Variants in PAK5 observed in about 807,000 individuals in gnomAD.
PAK5 encodes the protein serine/threonine-protein kinase PAK 5.
Under a neutral mutation model 65.9 loss-of-function variants are expected in PAK5, and 16 were observed. The ratio of observed to expected loss-of-function variants is 0.24; its 90% CI spans 0.16 to 0.37. The LOEUF (loss-of-function observed/expected upper bound fraction) is 0.37. PAK5 is among the 10% of genes least tolerant of loss of function. The pLI, the probability that PAK5 is intolerant of heterozygous loss-of-function variation, is 1.00. For missense variants in PAK5, 785 were observed against 903.9 expected (o/e 0.87, Z 1.69); for synonymous variants, 371 against 354.9 (o/e 1.05, Z -0.51).
At chr20:9,683,116 A>G (rs2047672186) in intron 2 of PAK5, among the ~76,000 whole-genome samples, 2 of 152,212 alleles carry the variant, frequency 1.3e-5, no homozygotes, top group Non-Finnish European at 2.9e-5. Flanking sequence ...CAAATTCCAC[A>G]AACCTTCTTA....
At chr20:9,629,670 T>C (rs998457963) in intron 3 of PAK5, among the ~76,000 whole-genome samples, 1 of 152,194 alleles carries the variant, frequency 6.6e-6, no homozygotes, top group Non-Finnish European at 1.5e-5. Flanking sequence ...ATTAGGGTCC[T>C]ACCCTTGTGA....
intron 1 of PAK5, among the ~76,000 whole-genome samples, chr20:9,726,296 AC>A (rs2048276744): frequency 6.6e-6 from 1 of 152,132 alleles, no homozygotes; most frequent in Non-Finnish European, 1.5e-5. Context: ...GCCATTGGCT[AC>A]TTTTCTTGAA....
intron 2 of PAK5, among the ~76,000 whole-genome samples, chr20:9,678,087 T>G (rs1293239196): frequency 6.6e-6 from 1 of 152,234 alleles, no homozygotes; most frequent in Non-Finnish European, 1.5e-5. Context: ...CCTCTCTACC[T>G]TCTCTATGTT....
chr20:9,614,553 A>G (rs1383767704), intron 3 of PAK5, among the ~76,000 whole-genome samples: 1 of 152,162 alleles, frequency 6.6e-6, no homozygotes, highest in Non-Finnish European at 1.5e-5. Context: ...AAAATCAGAT[A>G]AGGAAAAAAA....
chr20:9,694,896 T>C (rs2123444177), intron 2 of PAK5, among the ~76,000 whole-genome samples: 1 of 152,150 alleles, frequency 6.6e-6, no homozygotes, highest in Non-Finnish European at 1.5e-5. Flanking sequence ...GATGCATTAT[T>C]ATTGGGTATA....
chr20:9,627,361 C>T (rs193226484), intron 3 of PAK5, among the ~76,000 whole-genome samples: 46 of 152,296 alleles, frequency 3.0e-4, no homozygotes, highest in African/African-American at 1.1e-3. Flanking sequence ...ATGAGGTTTC[C>T]AGCCTCACAG....
At chr20:9,778,533 A>G (rs2048909354) in intron 1 of PAK5, among the ~76,000 whole-genome samples, 1 of 152,230 alleles carries the variant, frequency 6.6e-6, no homozygotes, top group Non-Finnish European at 1.5e-5. Flanking sequence ...TCACCACGAC[A>G]GGCCAATACT....
intron 4 of PAK5, among the ~76,000 whole-genome samples, chr20:9,574,494 C>G (rs970948512): frequency 1.3e-5 from 2 of 152,322 alleles, no homozygotes; most frequent in African/African-American, 2.4e-5. Context: ...AGGGACTCTT[C>G]GTCTTTGGGG....
chr20:9,781,452 C>T (rs2048939254), intron 1 of PAK5, among the ~76,000 whole-genome samples: 1 of 152,132 alleles, frequency 6.6e-6, no homozygotes, highest in Admixed American at 6.6e-5. Context: ...ATATCACACA[C>T]CATATTTGTG....
intron 3 of PAK5, among the ~76,000 whole-genome samples, chr20:9,641,785 C>A (rs576425368): frequency 6.6e-6 from 1 of 152,092 alleles, no homozygotes; most frequent in Non-Finnish European, 1.5e-5. Flanking sequence ...GCCGGTGGGC[C>A]GGCACTGCTG....
At chr20:9,609,132 A>G (rs2046510561) in intron 3 of PAK5, among the ~76,000 whole-genome samples, 1 of 83,140 alleles carries the variant, frequency 1.2e-5, no homozygotes, top group Non-Finnish European at 2.7e-5. Context: ...ATTGGCAACC[A>G]CATGATGCTG....
intron 1 of PAK5, among the ~76,000 whole-genome samples, chr20:9,829,056 C>A (rs1266108090): frequency 6.6e-6 from 1 of 152,186 alleles, no homozygotes; most frequent in Non-Finnish European, 1.5e-5. Context: ...GACACAATGG[C>A]AATTCCATTG....
At chr20:9,592,066 A>C (rs1270225623) in intron 3 of PAK5, among the ~76,000 whole-genome samples, 1 of 152,206 alleles carries the variant, frequency 6.6e-6, no homozygotes, top group Non-Finnish European at 1.5e-5. Flanking sequence ...AAAATAGAAG[A>C]GAAAAGTTGC....
intron 3 of PAK5, among the ~76,000 whole-genome samples, chr20:9,603,645 C>T (rs773918227): frequency 6.6e-6 from 1 of 152,178 alleles, no homozygotes; most frequent in African/African-American, 2.4e-5. Context: ...TTTCCTGACT[C>T]CAGATAGCTT....
rs377004052 is a variant in PAK5 at position 9,702,501 on chromosome 20, A to T, written c.-12+8785T>A. ...ATTAGCAGGTAGATATGCAATCACG[A>T]TGTGTAAAATGTACAAAAAATTAAA... On this transcript the variant is annotated intron_variant, in intron 2 of 9. Transcript: ENST00000353224. Among the ~76,000 whole-genome samples the T allele has an allele frequency of 1.3e-3, 200 of 152,284 alleles. 9 individuals carry two copies. The South Asian group carries it at 0.039, about 29-fold the overall frequency.
At chr20:9,723,517 C>T (rs758198177) in intron 1 of PAK5, among the ~76,000 whole-genome samples, 3 of 152,110 alleles carry the variant, frequency 2.0e-5, no homozygotes, top group Non-Finnish European at 4.4e-5. Context: ...GTGCTTTTTA[C>T]CAGGTAACAT....
intron 2 of PAK5, among the ~76,000 whole-genome samples, chr20:9,651,112 C>T (rs2047197377): frequency 6.6e-6 from 1 of 152,212 alleles, no homozygotes; most frequent in Admixed American, 6.5e-5. Context: ...GGGACCCGGA[C>T]TTCCTGGATC....
At chr20:9,726,020 A>T (rs2123536285) in intron 1 of PAK5, among the ~76,000 whole-genome samples, 1 of 152,238 alleles carries the variant, frequency 6.6e-6, no homozygotes, top group Non-Finnish European at 1.5e-5. Context: ...TTTCAAAATA[A>T]TTTTTATATT....
intron 7 of PAK5, among the ~76,000 whole-genome samples, chr20:9,551,915 A>C (rs1050601036): frequency 6.6e-6 from 1 of 152,176 alleles, no homozygotes; most frequent in African/African-American, 2.4e-5. Context: ...TGGCCAGAAA[A>C]AGAAGTCTTC....
Sources: allele counts gnomAD v4.1 joint callset (sites outside exome capture counted in the v4.1 genomes callset), GRCh38; gene constraint gnomAD v4.1.1; transcripts MANE v1.5; gene names NCBI Gene and HGNC (gene_info 2026-07-23, HGNC 2026-07-21).